SPATA13: variants seen among roughly 807,000 people sequenced by gnomAD.
SPATA13 encodes spermatogenesis associated 13.
In SPATA13, 50 loss-of-function variants were observed where a neutral mutation model predicts 104.0. That is an observed-to-expected ratio of 0.48 (90% confidence interval 0.38 to 0.61). The LOEUF (loss-of-function observed/expected upper bound fraction) is 0.61. SPATA13 is among the 20% of genes least tolerant of loss of function. The pLI is 0.00. For missense variants in SPATA13, 1,524 were observed against 1,690.6 expected, an observed-to-expected ratio of 0.90 and a Z score of 1.73; for synonymous variants, 606 against 667.5, an observed-to-expected ratio of 0.91 and a Z score of 1.42.
intron 3 of SPATA13, among the ~76,000 whole-genome samples, chr13:24,100,694 A>G (rs1880231973): frequency 6.6e-6 from 1 of 152,056 alleles, no homozygotes; most frequent in African/African-American, 2.4e-5. Context: ...TTGATCTTCT[A>G]CTCACCAGTT....
chr13:23,994,025 A>G (rs1163771912), intron 2 of SPATA13, among the ~76,000 whole-genome samples: 1 of 148,392 alleles, frequency 6.7e-6, no homozygotes, highest in Non-Finnish European at 1.5e-5. Context: ...TTACAATGAA[A>G]TGTCCTTCTC....
rs776044608 is a variant in SPATA13, at chr13:24,286,298, G to T, written c.2386G>T (p.Gly796Trp). 4.3e-6 allele frequency: 7 copies of T among 1,613,898 alleles called. No homozygotes were observed. The Admixed American group carries it at 6.7e-5, about 15-fold the overall frequency. Residue 796 changes from glycine to tryptophan, a missense_variant, in exon 6 of 13, where the codon GGG (glycine) becomes TGG (tryptophan). Coordinates refer to ENST00000382108, the MANE Select transcript of SPATA13 (RefSeq NM_001166271.3). The surrounding 1 kb of genome is among the most constrained non-coding windows in gnomAD (Gnocchi z 4.9). The part of the protein sequence containing the change: ...MDDQELGFKA[G>W]DVIQVLEASN... Reference sequence around the variant, plus strand: ...TGACCAGGAACTGGGCTTCAAAGCCGGGGATGTCATCCAGGTTCTGGAAGC... The same window carrying T: ...TGACCAGGAACTGGGCTTCAAAGCCTGGGATGTCATCCAGGTTCTGGAAGC...
In SPATA13 at chr13:24,161,358, CGGGTGG is replaced by C. The variant is rs1882483009; in HGVS notation, c.-112+427_-112+432del. Among the ~76,000 whole-genome samples the C allele has an allele frequency of 6.6e-6, 1 of 152,164 alleles. No homozygotes were observed. The highest frequency in any genetic ancestry group is 1.5e-5 in the Non-Finnish European group (1 of 68,026). On this transcript the variant is annotated intron_variant, in intron 1 of 12. Coordinates refer to ENST00000382108, the MANE Select transcript of SPATA13 (RefSeq NM_001166271.3). The surrounding 1 kb of genome is among the most constrained non-coding windows in gnomAD (Gnocchi z 4.5). Reference sequence around the variant, plus strand: ...GGAGCCCTGTAACGCTCTGCTCCATCGGGTGGCGTGGCTGGTGCCTCCGGGGACCCG... The same window carrying C: ...GGAGCCCTGTAACGCTCTGCTCCATCCGTGGCTGGTGCCTCCGGGGACCCG...
At chr13:24,270,718 T>C (rs2861550) in intron 4 of SPATA13, 1,223,103 of 1,516,910 alleles carry the variant, frequency 0.81, 493,742 homozygotes, top group East Asian at 0.86. Context: ...CGGGAACGCA[T>C]ACAACGTCAA....
chr13:24,223,531 G>C lies in SPATA13; in HGVS notation c.602G>C (p.Arg201Pro). The C allele has an allele frequency of 6.5e-7, 1 of 1,548,526 alleles. No homozygotes were observed. Among genetic ancestry groups the C allele is most frequent in the Non-Finnish European group, 8.7e-7 (1 of 1,146,978 alleles). The stretch of plus-strand genomic sequence containing the variant: ...TTCCAGCGGAGCACACACCGCTCCC[G>C]CAGCCTCCGCAGAGCCTACGGCCTG... ...DAFQRSTHRS[R>P]SLRRAYGLGR... Residue 201 changes from arginine to proline, a missense_variant, in exon 2 of 13, where the codon CGC (arginine) becomes CCC (proline). Arg to Pro is a moderately radical substitution (Grantham distance 103, BLOSUM62 -2). This residue lies in a region of SPATA13 where 1,089 missense variants were observed against 1,135.9 expected (regional missense o/e 0.96). Transcript: ENST00000382108.
chr13:24,223,766 G>C lies in SPATA13; in HGVS notation c.837G>C (p.Thr279=). ...KSTSNLADLR[T]AHDARVPQRT... ...CCTCCAATCTTGCAGACCTCAGGACGGCCCATGACGCACGGGTACCACAGA... is the reference window on the plus strand; with the variant it reads ...CCTCCAATCTTGCAGACCTCAGGACCGCCCATGACGCACGGGTACCACAGA... The change falls in exon 2 of 13, where the codon ACG becomes ACC. Residue 279 remains threonine (T), a synonymous_variant. Transcript: ENST00000382108. The C allele has an allele frequency of 6.4e-7, 1 of 1,551,878 alleles. No homozygotes were observed. The highest frequency in any genetic ancestry group is 1.2e-5 in the South Asian group (1 of 84,068).
intron 1 of SPATA13, among the ~76,000 whole-genome samples, chr13:24,222,178 A>T (rs1253893647): frequency 1.3e-5 from 2 of 151,428 alleles, no homozygotes; most frequent in Admixed American, 6.6e-5. Flanking sequence ...TTGGAAAAAG[A>T]CCCCCACCAA....
rs577547728 is a variant in SPATA13, at chr13:24,135,691, C to A, written c.-111-87128C>A. Reference sequence around the variant, plus strand: ...CCTGCCTGGGCGACAGAGCAAGAATCCGTCTCAAAAAAAAAAAAAAAAAAA... The same window carrying A: ...CCTGCCTGGGCGACAGAGCAAGAATACGTCTCAAAAAAAAAAAAAAAAAAA... On this transcript the variant is annotated intron_variant, in intron 3 of 14. Coordinates refer to the SPATA13 transcript ENST00000424834. Among the ~76,000 whole-genome samples, 203 of 115,800 alleles carry A rather than the reference C, an allele frequency of 1.8e-3. 1 individual carries two copies. Among genetic ancestry groups the A allele is most frequent in the Admixed American group, 3.9e-3 (37 of 9,464 alleles). 76.0% of individuals were successfully genotyped at this position (115,800 alleles called of 152,430 possible).
At chr13:24,027,195 C>T (rs1380860262) in intron 3 of SPATA13, among the ~76,000 whole-genome samples, 2 of 130,434 alleles carry the variant, frequency 1.5e-5, no homozygotes, top group Non-Finnish European at 3.1e-5. Context: ...AGTGCAGTGG[C>T]ACAATCTCAG....
At chr13:24,024,710 T>TTA (rs1566076620) in intron 3 of SPATA13, among the ~76,000 whole-genome samples, 1 of 151,232 alleles carries the variant, frequency 6.6e-6, no homozygotes, top group African/African-American at 2.4e-5. Flanking sequence ...TATATATATG[T>TTA]TATATATATA....
chr13:24,226,136 C>T (rs1248960931), intron 2 of SPATA13, among the ~76,000 whole-genome samples: 1 of 152,102 alleles, frequency 6.6e-6, no homozygotes, highest in Non-Finnish European at 1.5e-5. Flanking sequence ...GAAAAAGCAC[C>T]ATTTGATTGG....
Position 24,275,889 on chromosome 13 carries a change from G to A in SPATA13, c.2165-8246G>A, listed in dbSNP as rs139324115. On this transcript the variant is annotated intron_variant, in intron 4 of 12. Transcript: ENST00000382108. ...GCAAAGGCTGCAGTGAGCTGAGATC[G>A]CGCCACAGCACTCCAGCCTGGGCGA... 4.5e-3 allele frequency among the ~76,000 whole-genome samples: 685 copies of A among 152,328 alleles called. 13 individuals carry two copies. The East Asian group carries it at 0.053, about 12-fold the overall frequency.
At chr13:24,123,561 C>A in intron 3 of SPATA13, 2 of 1,610,418 alleles carry the variant, frequency 1.2e-6, no homozygotes, top group Non-Finnish European at 1.7e-6. Flanking sequence ...GTAACAAAAT[C>A]CTATAGTCTT....
intron 3 of SPATA13, among the ~76,000 whole-genome samples, chr13:24,146,707 A>T (rs567383799): frequency 6.6e-6 from 1 of 152,180 alleles, no homozygotes; most frequent in East Asian, 1.9e-4. Flanking sequence ...TGCCATGATT[A>T]TGTTATACAT....
At chr13:24,173,392 GT>G (rs1883073359) in intron 1 of SPATA13, among the ~76,000 whole-genome samples, 1 of 150,986 alleles carries the variant, frequency 6.6e-6, no homozygotes, top group East Asian at 1.9e-4. Context: ...GTGTGTGTGT[GT>G]GTGTGTGTGG....
At chr13:24,197,904 C>G (rs1056265268) in intron 1 of SPATA13, among the ~76,000 whole-genome samples, 1 of 152,114 alleles carries the variant, frequency 6.6e-6, no homozygotes, top group African/African-American at 2.4e-5. Flanking sequence ...AGGATGAAGT[C>G]CCCCAAGAAA....
intron 2 of SPATA13, among the ~76,000 whole-genome samples, chr13:24,014,690 C>T (rs1430570534): frequency 6.6e-6 from 1 of 152,098 alleles, no homozygotes; most frequent in African/African-American, 2.4e-5. Context: ...TGTTATTTAA[C>T]AACTTCCTTT....
At chr13:24,190,703 C>T (rs1869678500) in intron 1 of SPATA13, among the ~76,000 whole-genome samples, 1 of 151,954 alleles carries the variant, frequency 6.6e-6, no homozygotes, top group Admixed American at 6.6e-5. Context: ...GGAGTTGCTT[C>T]TTGTGGAGGA....
At chr13:24,013,263 T>G (rs1876560609) in intron 2 of SPATA13, among the ~76,000 whole-genome samples, 1 of 152,194 alleles carries the variant, frequency 6.6e-6, no homozygotes, top group African/African-American at 2.4e-5. Flanking sequence ...GCTCTGTAAG[T>G]GGAACTCTGA....
Sources: gnomAD v4.1 joint callset for allele counts (sites outside exome capture counted in the v4.1 genomes callset) on GRCh38, gnomAD v4.1.1 for gene constraint, gnomAD v4.1.1 regional missense constraint, Gnocchi (gnomAD v3.1) non-coding constraint, MANE v1.5 for transcripts, NCBI Gene and HGNC (gene_info 2026-07-23, HGNC 2026-07-21) for gene names.